WDR70: variants seen among roughly 807,000 people sequenced by gnomAD.
WDR70 encodes the protein WD repeat domain 70, also known as WD repeat-containing protein 70.
WDR70 carries 53 observed loss-of-function variants against 88.6 expected under a neutral mutation model. The ratio of observed to expected loss-of-function variants is 0.60; its 90% CI spans 0.48 to 0.75. WDR70 has a LOEUF of 0.75. Ranked by LOEUF, WDR70 falls within the 30% of genes least tolerant of loss-of-function variation. The pLI is 0.00. For missense variants in WDR70, 610 were observed against 823.2 expected (o/e 0.74, Z 3.17); for synonymous variants, 280 against 270.0 (o/e 1.04, Z -0.36).
At chr5:37,713,711 G>T (rs1212513828) in intron 13 of WDR70, among the ~76,000 whole-genome samples, 1 of 152,162 alleles carries the variant, frequency 6.6e-6, no homozygotes, top group African/African-American at 2.4e-5. Flanking sequence ...AAAATGTTCA[G>T]AATGATACTA....
chr5:37,717,001 C>T (rs1054180356), intron 13 of WDR70, among the ~76,000 whole-genome samples: 6 of 152,200 alleles, frequency 3.9e-5, no homozygotes, highest in Non-Finnish European at 8.8e-5. Context: ...CTCTGTTGAG[C>T]ACATTAAGGT....
chr5:37,599,405 A>C (rs901538390), intron 9 of WDR70, among the ~76,000 whole-genome samples: 2 of 152,238 alleles, frequency 1.3e-5, no homozygotes, highest in Non-Finnish European at 2.9e-5. Context: ...ATATTCATTC[A>C]ATCAAAGGGT....
At chr5:37,433,959 T>A (rs575405924) in intron 5 of WDR70, among the ~76,000 whole-genome samples, 1 of 152,326 alleles carries the variant, frequency 6.6e-6, no homozygotes, top group East Asian at 1.9e-4. Flanking sequence ...AAATGTTTCT[T>A]AAGTGAATGT....
At chr5:37,511,886 A>G (rs1191427553) in intron 8 of WDR70, among the ~76,000 whole-genome samples, 1 of 152,238 alleles carries the variant, frequency 6.6e-6, no homozygotes, top group East Asian at 1.9e-4. Context: ...GCAAAAAAGA[A>G]ACAAATGTAT....
intron 5 of WDR70, among the ~76,000 whole-genome samples, chr5:37,430,808 G>T (rs936651340): frequency 2.6e-5 from 4 of 151,998 alleles, no homozygotes; most frequent in Non-Finnish European, 4.4e-5. Flanking sequence ...TGATCCACCT[G>T]CCTCGGCCTC....
intron 10 of WDR70, among the ~76,000 whole-genome samples, chr5:37,607,978 G>A (rs1172819218): frequency 6.6e-6 from 1 of 151,748 alleles, no homozygotes; most frequent in African/African-American, 2.4e-5. Flanking sequence ...AGATGACATT[G>A]GAGCAGTAAA....
At chr5:37,676,867 A>T (rs1390280239) in intron 10 of WDR70, among the ~76,000 whole-genome samples, 1 of 151,228 alleles carries the variant, frequency 6.6e-6, no homozygotes, top group Non-Finnish European at 1.5e-5. Flanking sequence ...CTGGTCTTGG[A>T]CTCTTTTTGG....
chr5:37,723,033 G>A (rs2112698690), intron 15 of WDR70, 99 bp downstream of exon 15: 1 of 1,447,400 alleles, frequency 6.9e-7, no homozygotes, highest in East Asian at 2.3e-5. Context: ...TCAGAATTCA[G>A]GCATATATTA....
At chr5:37,510,446 T>C (rs965260056) in intron 8 of WDR70, among the ~76,000 whole-genome samples, 1 of 152,230 alleles carries the variant, frequency 6.6e-6, no homozygotes, top group Non-Finnish European at 1.5e-5. Flanking sequence ...CTAATAACAA[T>C]GCATTTTCAT....
At chr5:37,590,047 C>G (rs1293781814) in intron 9 of WDR70, among the ~76,000 whole-genome samples, 2 of 152,126 alleles carry the variant, frequency 1.3e-5, no homozygotes, top group Non-Finnish European at 2.9e-5. Context: ...CTTCCAATTC[C>G]ATTTGATCAA....
intron 11 of WDR70, among the ~76,000 whole-genome samples, chr5:37,698,081 T>C (rs1747035654): frequency 6.6e-6 from 1 of 152,216 alleles, no homozygotes; most frequent in African/African-American, 2.4e-5. Context: ...ATTCTTTCTA[T>C]ACCATTTTAT....
chr5:37,626,025 A>G (rs1370338533), intron 10 of WDR70, among the ~76,000 whole-genome samples: 4 of 143,034 alleles, frequency 2.8e-5, no homozygotes, highest in Non-Finnish European at 6.0e-5. Flanking sequence ...TTTTTGTAGT[A>G]AAGTCGGTAT....
At position 37,558,789 on chromosome 5, in the gene WDR70, G is replaced by A. The variant is rs187389137; in HGVS notation, c.917+42199G>A. On this transcript the variant is annotated intron_variant, in intron 9 of 17. Coordinates refer to ENST00000265107, the MANE Select transcript of WDR70 (RefSeq NM_018034.4). Reference sequence around the variant, plus strand: ...AAAGCAGGTTGGGTGGCTCCACAGCGATATCATTTTCAAGTTAGTAAGCCT... The same window carrying A: ...AAAGCAGGTTGGGTGGCTCCACAGCAATATCATTTTCAAGTTAGTAAGCCT... 1.0e-3 allele frequency among the ~76,000 whole-genome samples: 152 copies of A among 152,080 alleles called. 1 individual carries two copies. Among genetic ancestry groups the A allele is most frequent in the Non-Finnish European group, 1.6e-4 (11 of 68,012 alleles).
At chr5:37,516,624 A>G (rs776970445) in intron 9 of WDR70, 34 bp downstream of exon 9, 9 of 1,433,454 alleles carry the variant, frequency 6.3e-6, no homozygotes, top group African/African-American at 4.2e-5. Context: ...TAATACATTC[A>G]TATCTTTAGG....
chr5:37,488,190 T>C (rs1739953901), intron 8 of WDR70, among the ~76,000 whole-genome samples: 1 of 151,444 alleles, frequency 6.6e-6, no homozygotes, highest in African/African-American at 2.4e-5. Flanking sequence ...TGTGGTCTTA[T>C]ATGTGACTAG....
At chr5:37,592,240 T>G (rs1193959862) in intron 9 of WDR70, among the ~76,000 whole-genome samples, 1 of 152,222 alleles carries the variant, frequency 6.6e-6, no homozygotes, top group Non-Finnish European at 1.5e-5. Flanking sequence ...GGTAATTTTA[T>G]ATAATATTTA....
chr5:37,403,802 G>A (rs1346562647), intron 5 of WDR70, among the ~76,000 whole-genome samples: 1 of 152,038 alleles, frequency 6.6e-6, no homozygotes, highest in Non-Finnish European at 1.5e-5. Context: ...CATTCAAGTG[G>A]TGTAATCATA....
chr5:37,482,210 A>C (rs1477053522), intron 8 of WDR70, among the ~76,000 whole-genome samples: 2 of 152,088 alleles, frequency 1.3e-5, no homozygotes, highest in Non-Finnish European at 2.9e-5. Context: ...CCAGTTCCAA[A>C]GTTGCTTCCA....
At chr5:37,394,112 C>T (rs1203184383) in intron 4 of WDR70, among the ~76,000 whole-genome samples, 1 of 151,968 alleles carries the variant, frequency 6.6e-6, no homozygotes, top group Non-Finnish European at 1.5e-5. Flanking sequence ...CGAGACCAGC[C>T]TGGCCAACAT....
Sources: gnomAD v4.1 joint callset for allele counts (sites outside exome capture counted in the v4.1 genomes callset) on GRCh38, gnomAD v4.1.1 for gene constraint, MANE v1.5 for transcripts, NCBI Gene and HGNC (gene_info 2026-07-23, HGNC 2026-07-21) for gene names.